RHPN2: variants seen among roughly 807,000 people sequenced by gnomAD.
The protein encoded by RHPN2 is rhophilin-2.
RHPN2 carries 40 observed loss-of-function variants against 79.0 expected under a neutral mutation model. That is an observed-to-expected ratio of 0.51 (90% CI 0.39 to 0.66). RHPN2 has a LOEUF of 0.66. Among genes scored for constraint, RHPN2 ranks in the 30% least tolerant of loss-of-function variants. The probability of loss-of-function intolerance (pLI) is 0.00; values close to 1 mark genes in which losing one functional copy is unlikely to be tolerated. For missense variants in RHPN2, 686 were observed against 883.5 expected, an observed-to-expected ratio of 0.78 and a Z score of 2.83; for synonymous variants, 285 against 363.5, an observed-to-expected ratio of 0.78 and a Z score of 2.46.
chr19:33,051,109 A>G (rs753761780), intron 1 of RHPN2, among the ~76,000 whole-genome samples: 3 of 152,158 alleles, frequency 2.0e-5, no homozygotes, highest in African/African-American at 4.8e-5. Flanking sequence ...CTCCTGTCTC[A>G]GCCTCCTGAG....
chr19:32,994,124 T>G, intron 11 of RHPN2, 71 bp from the exon 12 acceptor site: 1 of 1,147,460 alleles, frequency 8.7e-7, no homozygotes, highest in Non-Finnish European at 1.3e-6. Flanking sequence ...AGTCCAGTGT[T>G]GTGGCTCACG....
intron 1 of RHPN2, among the ~76,000 whole-genome samples, chr19:33,059,575 C>T (rs1972262909): frequency 6.6e-6 from 1 of 152,128 alleles, no homozygotes; most frequent in South Asian, 2.1e-4. Flanking sequence ...GCTGGGACTA[C>T]AGTGTGAGCC....
At chr19:33,032,903 T>C (rs1482352157) in intron 2 of RHPN2, among the ~76,000 whole-genome samples, 1 of 152,160 alleles carries the variant, frequency 6.6e-6, no homozygotes, top group Admixed American at 6.6e-5. Context: ...TTTCACAAAG[T>C]ATAGAGGACT....
intron 14 of RHPN2, among the ~76,000 whole-genome samples, chr19:32,987,982 G>A (rs1249739607): frequency 6.6e-6 from 1 of 151,928 alleles, no homozygotes; most frequent in African/African-American, 2.4e-5. Flanking sequence ...GGAGTTTGAG[G>A]CCAACCTTGG....
At chr19:33,010,938 CT>C (rs1432893450) in intron 6 of RHPN2, among the ~76,000 whole-genome samples, 2 of 152,176 alleles carry the variant, frequency 1.3e-5, no homozygotes, top group Non-Finnish European at 2.9e-5. Flanking sequence ...CTGCCTCGGC[CT>C]CCCAAAGTGT....
chr19:33,061,802 G>A (rs566847128), intron 1 of RHPN2, among the ~76,000 whole-genome samples: 217 of 151,766 alleles, frequency 1.4e-3, no homozygotes, highest in Non-Finnish European at 2.6e-3. Context: ...CCTTTCATTC[G>A]GCCATTTGGT....
intron 3 of RHPN2, among the ~76,000 whole-genome samples, chr19:33,023,972 G>A (rs777057698): frequency 3.3e-5 from 5 of 152,060 alleles, no homozygotes; most frequent in Admixed American, 6.6e-5. Flanking sequence ...GCACGTCCCT[G>A]CTCTTCGGCA....
rs1235579291 is a variant in RHPN2, at chr19:32,979,073, C to T, written c.*923G>A. On this transcript the variant is annotated 3_prime_UTR_variant, in exon 15 of 15. Transcript: ENST00000254260. The stretch of plus-strand genomic sequence containing the variant: ...CTGAGGTAGGAGAATCGCTTGATCC[C>T]AGGGGGCGGAGGTTGCACTGAGCTG... The T allele has an allele frequency of 6.6e-6, 1 of 152,108 alleles. No homozygotes were observed. Among genetic ancestry groups the T allele is most frequent in the East Asian group, 1.9e-4 (1 of 5,194 alleles). The allele number at this position is 152,108 out of a possible 1,614,324, so 9.4% of individuals were successfully genotyped here.
chr19:33,044,761 G>A (rs748558702), intron 1 of RHPN2, among the ~76,000 whole-genome samples: 10 of 152,110 alleles, frequency 6.6e-5, no homozygotes, highest in Non-Finnish European at 1.0e-4. Context: ...AGGTGTGGTG[G>A]TGGGCGCCTA....
chr19:33,006,739 G>A (rs761813386), intron 7 of RHPN2, among the ~76,000 whole-genome samples: 10 of 152,222 alleles, frequency 6.6e-5, no homozygotes, highest in Non-Finnish European at 1.5e-4. Flanking sequence ...ACAGCGCTGG[G>A]TCTGTTGACC....
rs1476631519 is a variant in RHPN2, at chr19:33,048,746, C to A, written c.70-4382G>T. Among the ~76,000 whole-genome samples the A allele has an allele frequency of 4.6e-3, 421 of 90,926 alleles. 1 individual carries two copies. The highest frequency in any genetic ancestry group is 0.014 in the South Asian group (28 of 2,052). 59.7% of individuals were successfully genotyped at this position (90,926 alleles called of 152,430 possible). On this transcript the variant is annotated intron_variant, in intron 1 of 14. Coordinates refer to ENST00000254260, the MANE Select transcript of RHPN2 (RefSeq NM_033103.5). ...GTCTCAAAAAAAAAAAAAAAAAAAA[C>A]TTTAATGTTAAGCTATTATAATTAA...
At chr19:32,986,529 CT>C (rs1221931973) in intron 14 of RHPN2, among the ~76,000 whole-genome samples, 2 of 152,152 alleles carry the variant, frequency 1.3e-5, no homozygotes, top group African/African-American at 4.8e-5. Flanking sequence ...GGTGAGGTGG[CT>C]CACGCCTGTA....
chr19:32,982,535 G>A lies in RHPN2; in HGVS notation c.1801-2279C>T, dbSNP rs1455746715. Among the ~76,000 whole-genome samples, 4 of 152,192 alleles carry A rather than the reference G, an allele frequency of 2.6e-5. No homozygotes were observed. The East Asian group carries it at 7.7e-4, about 29-fold the overall frequency. The stretch of plus-strand genomic sequence containing the variant: ...ATGCCTCTTCCTTTTCTGGAAAACT[G>A]ACCGCTAACTCCACCATGTTTTACG... On this transcript the variant is annotated intron_variant, in intron 14 of 14. Coordinates refer to ENST00000254260, the MANE Select transcript of RHPN2 (RefSeq NM_033103.5).
intron 1 of RHPN2, among the ~76,000 whole-genome samples, chr19:33,055,354 T>C (rs80186659): frequency 0.015 from 2,230 of 151,372 alleles, 56 homozygotes; most frequent in African/African-American, 0.052. Context: ...AGCCAGATTC[T>C]GTCATCTTTA....
chr19:33,061,268 A>C (rs1599839220), intron 1 of RHPN2, among the ~76,000 whole-genome samples: 1 of 126,486 alleles, frequency 7.9e-6, no homozygotes, highest in East Asian at 2.3e-4. Context: ...TCGCTCTGTC[A>C]CCCAGGCAGT....
intron 4 of RHPN2, among the ~76,000 whole-genome samples, chr19:33,013,804 A>G (rs1435124441): frequency 3.3e-5 from 5 of 152,140 alleles, no homozygotes; most frequent in Non-Finnish European, 7.3e-5. Flanking sequence ...CTCCAGATAC[A>G]GGTTTCCTTT....
intron 1 of RHPN2, among the ~76,000 whole-genome samples, chr19:33,060,907 G>A (rs1972274163): frequency 6.6e-6 from 1 of 152,108 alleles, no homozygotes; most frequent in Non-Finnish European, 1.5e-5. Flanking sequence ...GTATTACAAG[G>A]GGCTAAATCC....
intron 1 of RHPN2, among the ~76,000 whole-genome samples, chr19:33,045,372 C>T (rs1053100234): frequency 6.6e-6 from 1 of 151,936 alleles, no homozygotes; most frequent in Non-Finnish European, 1.5e-5. Flanking sequence ...TATTTAGTAA[C>T]AGCTTTATGG....
intron 9 of RHPN2, among the ~76,000 whole-genome samples, chr19:33,000,267 C>T (rs2146008248): frequency 1.3e-5 from 2 of 148,970 alleles, no homozygotes; most frequent in South Asian, 4.3e-4. Flanking sequence ...GTCACCCAGG[C>T]TTGGGTGCAG....
Sources: allele counts gnomAD v4.1 joint callset (sites outside exome capture counted in the v4.1 genomes callset), GRCh38; gene constraint gnomAD v4.1.1; transcripts MANE v1.5; gene names NCBI Gene and HGNC (gene_info 2026-07-23, HGNC 2026-07-21).